Variants in CTC1 observed in about 807,000 individuals in gnomAD.
CTC1 encodes CST telomere replication complex component 1.
CTC1 carries 91 observed loss-of-function variants against 136.3 expected under a neutral mutation model. The observed-to-expected ratio is 0.67, with a 90% CI of 0.56 to 0.79. The LOEUF (loss-of-function observed/expected upper bound fraction) is 0.79. CTC1 is among the 30% of genes least tolerant of loss of function. CTC1 has a pLI of 0.00. For missense variants in CTC1, 1,432 were observed against 1,498.1 expected (o/e 0.96, Z 0.73); for synonymous variants, 606 against 613.8 (o/e 0.99, Z 0.19).
In CTC1 at chr17:8,234,926, C is replaced by T. The variant is rs770798986; in HGVS notation, c.1440G>A (p.Lys480=). ...ATKALEELAC[K]LCPHVLRHHQ... is the part of the protein sequence containing the mutation. ...GGTGTCTCAGCACATGGGGACACAG[C>T]CTTGGCCAGGAAAAGCAGCACAGTC... The change falls in exon 9 of 23, where the codon AAG becomes AAA. Residue 480 remains lysine, a splice_region_variant and synonymous_variant. Coordinates refer to ENST00000651323, the MANE Select transcript of CTC1 (RefSeq NM_025099.6). 8 of 1,595,750 alleles carry T rather than the reference C, an allele frequency of 5.0e-6. No homozygotes were observed. Among genetic ancestry groups the T allele is most frequent in the East Asian group, 2.2e-5 (1 of 44,666 alleles).
intron 9 of CTC1, 24 bp from the exon 10 acceptor site, chr17:8,234,679 G>A (rs533931889): frequency 1.9e-5 from 30 of 1,593,360 alleles, no homozygotes; most frequent in African/African-American, 4.0e-5. Flanking sequence ...AAGAGAAATC[G>A]GGTGTGTGTC....
At chr17:8,243,922 G>A (rs1483050933) in intron 1 of CTC1, among the ~76,000 whole-genome samples, 4 of 152,118 alleles carry the variant, frequency 2.6e-5, no homozygotes, top group Non-Finnish European at 4.4e-5. Flanking sequence ...AATACAAAAA[G>A]CCAGGCGTGG....
rs973752745 is a variant in CTC1, at chr17:8,237,488, C to T, written c.679G>A (p.Ala227Thr). ...GCACTCAATCGAACTAGACTCCCAG[C>T]CAGGTTTCGCTGCACACCTCTGAGC... ...NKLRGVQRNLAGSLVRLSALV... is the reference protein window; with the variant it reads ...NKLRGVQRNLTGSLVRLSALV... Residue 227 changes from alanine to threonine, a missense_variant, in exon 5 of 23, where the codon GCT becomes ACT. Coordinates refer to ENST00000651323, the MANE Select transcript of CTC1 (RefSeq NM_025099.6). The T allele has an allele frequency of 1.9e-6, 3 of 1,613,734 alleles. No individual in the cohort carries two copies. In the African/African-American group the frequency reaches 4.0e-5, roughly 22 times the overall value.
chr17:8,228,119 C>G lies in CTC1; in HGVS notation c.*61G>C. The stretch of plus-strand genomic sequence containing the variant: ...TCACAGAACAAGTAGGGAGAGGAGC[C>G]AGGACCTAGGCCTTCAGGTTTTCAG... On this transcript the variant is annotated 3_prime_UTR_variant, in exon 23 of 23. Transcript: ENST00000651323. 1 of 1,533,508 alleles carries G rather than the reference C, an allele frequency of 6.5e-7. No individual in the cohort carries two copies. The highest frequency in any genetic ancestry group is 9.0e-7 in the Non-Finnish European group (1 of 1,110,658). 95.0% of individuals were successfully genotyped at this position (1,533,508 alleles called of 1,614,324 possible).
Position 8,228,756 on chromosome 17 carries a change from G to C in CTC1, c.3358C>G (p.Gln1120Glu). 1.9e-6 allele frequency: 3 copies of C among 1,614,086 alleles called. No homozygotes were observed. Among genetic ancestry groups the C allele is most frequent in the East Asian group, 2.2e-5 (1 of 44,874 alleles). Residue 1120 changes from glutamine to glutamate, a missense_variant, in exon 21 of 23, where the codon CAG becomes GAG. Gln to Glu is a conservative substitution (Grantham distance 29). Transcript: ENST00000651323. The part of the protein sequence containing the change: ...FVQVPGRVVL[Q>E]FAGPGAQLES... ...AGTTGGGCTCCAGGCCCTGCAAACTGCAAGACCACTCTGCCTGGCACTTGG... is the reference window on the plus strand; with the variant it reads ...AGTTGGGCTCCAGGCCCTGCAAACTCCAAGACCACTCTGCCTGGCACTTGG...
chr17:8,235,347 C>G, intron 7 of CTC1, 62 bp from the exon 8 acceptor site: 1 of 1,285,764 alleles, frequency 7.8e-7, no homozygotes, highest in Non-Finnish European at 1.1e-6. Flanking sequence ...TGAACCCAGG[C>G]AGAGTTAACC....
intron 18 of CTC1, 45 bp from the exon 19 acceptor site, chr17:8,229,491 A>G (rs906050964): frequency 6.4e-7 from 1 of 1,571,440 alleles, no homozygotes; most frequent in East Asian, 2.2e-5. Flanking sequence ...AGATAACAGA[A>G]CAGGCAAAGG....
chr17:8,237,296 C>G (rs1987811535), intron 5 of CTC1, 79 bp downstream of exon 5: 1 of 1,528,604 alleles, frequency 6.5e-7, no homozygotes, highest in African/African-American at 1.4e-5. Flanking sequence ...TACATGGCTC[C>G]TCCTATGATG....
rs1007776903 is a variant in CTC1, at chr17:8,237,397, G to T, written c.770C>A (p.Thr257Asn). The change falls in exon 5 of 23, where the codon ACC (threonine) becomes AAC (asparagine). Residue 257 changes from threonine to asparagine, a missense_variant. Coordinates refer to ENST00000651323, the MANE Select transcript of CTC1 (RefSeq NM_025099.6). Reference sequence around the variant, plus strand: ...CACCTGCACGATGATGGACACGTGGGTGACAGCTGGGTGTGATCTACCAAG... The same window carrying T: ...CACCTGCACGATGATGGACACGTGGTTGACAGCTGGGTGTGATCTACCAAG... ...LSLGRSHPAV[T>N]HVSIIVQVPA... 1.2e-6 allele frequency: 2 copies of T among 1,614,074 alleles called. No individual in the cohort carries two copies. Among genetic ancestry groups the T allele is most frequent in the South Asian group, 2.2e-5 (2 of 91,078 alleles).
chr17:8,235,013 C>G (rs961634731), intron 8 of CTC1, 40 bp downstream of exon 8: 2 of 1,608,456 alleles, frequency 1.2e-6, no homozygotes, highest in African/African-American at 2.7e-5. Flanking sequence ...AAGTGTGCTA[C>G]TCCCACTGCC....
rs1363519219 is a variant in CTC1 at position 8,238,502 on chromosome 17, C to T, written c.325G>A (p.Glu109Lys). 2 of 1,614,090 alleles carry T rather than the reference C, an allele frequency of 1.2e-6. No homozygotes were observed. The highest frequency in any genetic ancestry group is 1.3e-5 in the African/African-American group (1 of 74,938). ...AGTGTCCCTAAAAGTAACAGCTGCTCTCGGGGCAGGGGGTTCCCATTTGGT... is the reference window on the plus strand; with the variant it reads ...AGTGTCCCTAAAAGTAACAGCTGCTTTCGGGGCAGGGGGTTCCCATTTGGT... ...AGPNGNPLPR[E>K]QLLLLGTLTD... is the part of the protein sequence containing the mutation. The change falls in exon 3 of 23, where the codon GAG becomes AAG. Residue 109 changes from glutamate to lysine, a missense_variant. Physicochemically the swap from Glu to Lys is moderately conservative, Grantham distance 56. Coordinates refer to ENST00000651323, the MANE Select transcript of CTC1 (RefSeq NM_025099.6).
At chr17:8,237,740 A>G (rs1987867745) in intron 4 of CTC1, among the ~76,000 whole-genome samples, 1 of 146,826 alleles carries the variant, frequency 6.8e-6, no homozygotes, top group South Asian at 2.2e-4. Context: ...CTTTTTCCCT[A>G]TAAATGCTGT....
intron 4 of CTC1, 47 bp downstream of exon 4, chr17:8,237,984 T>C (rs1448992087): frequency 6.8e-7 from 1 of 1,478,320 alleles, no homozygotes; most frequent in Admixed American, 1.7e-5. Flanking sequence ...CCCAGCATCA[T>C]CCTTCAGTTT....
intron 15 of CTC1, among the ~76,000 whole-genome samples, 192 bp downstream of exon 15, chr17:8,231,084 T>C (rs1207736153): frequency 6.6e-6 from 1 of 152,104 alleles, no homozygotes; most frequent in African/African-American, 2.4e-5. Context: ...GAGGTTTCAG[T>C]GAGCTGAGAT....
rs535373058 is a variant in CTC1 at position 8,226,602 on chromosome 17, A to T, written c.*1578T>A. The T allele has an allele frequency of 2.6e-5, 4 of 152,318 alleles. No individual in the cohort carries two copies. In the South Asian group the frequency reaches 6.2e-4, roughly 24 times the overall value. The allele number at this position is 152,318 out of a possible 1,614,324, so 9.4% of individuals were successfully genotyped here. A position where few individuals can be genotyped will look rare whatever the true frequency, so the allele number is the denominator to read the frequency against. On this transcript the variant is annotated 3_prime_UTR_variant, in exon 23 of 23. Coordinates refer to ENST00000651323, the MANE Select transcript of CTC1 (RefSeq NM_025099.6). Reference sequence around the variant, plus strand: ...AATATGGTCAGTATGCTGAAGAAAAAAATATGACGTAGTCGGCAGGATTCG... The same window carrying T: ...AATATGGTCAGTATGCTGAAGAAAATAATATGACGTAGTCGGCAGGATTCG...
At chr17:8,245,421 C>T (rs529727548) in intron 1 of CTC1, among the ~76,000 whole-genome samples, 1 of 152,254 alleles carries the variant, frequency 6.6e-6, no homozygotes, top group South Asian at 2.1e-4. Context: ...GGAAGGCAGA[C>T]CAAATCACCA....
Position 8,229,975 on chromosome 17 carries a change from G to C in CTC1, c.2934-7C>G. 1 of 1,613,892 alleles carries C rather than the reference G, an allele frequency of 6.2e-7. No individual in the cohort carries two copies. On this transcript the variant is annotated splice_region_variant and splice_polypyrimidine_tract_variant and intron_variant, in intron 17 of 22. Transcript: ENST00000651323. ...ACAATAAACATTGTGAGATCTGCAA[G>C]TGGAAGAGGAATAGTGAGTGACCAG...
intron 18 of CTC1, 32 bp downstream of exon 18, chr17:8,229,858 AG>A: frequency 2.5e-6 from 4 of 1,579,590 alleles, no homozygotes; most frequent in South Asian, 1.1e-5. Context: ...ATGTGAAGCC[AG>A]GAAGTTTAGG....
chr17:8,232,594 C>T (rs1987339761), intron 11 of CTC1, 119 bp from the exon 12 acceptor site: 1 of 792,334 alleles, frequency 1.3e-6, no homozygotes, highest in Non-Finnish European at 2.1e-6. Flanking sequence ...CCTCACATGA[C>T]ATGAAAGCCC....
Sources: allele counts gnomAD v4.1 joint callset (sites outside exome capture counted in the v4.1 genomes callset), GRCh38; gene constraint gnomAD v4.1.1; transcripts MANE v1.5; gene names NCBI Gene and HGNC (gene_info 2026-07-23, HGNC 2026-07-21).